The following MACROH2A1 variants were observed in gnomAD, a reference collection of about 807,000 sequenced individuals.
MACROH2A1 encodes the protein core histone macro-H2A.1.
MACROH2A1 carries 2 observed loss-of-function variants against 31.6 expected under a neutral mutation model. That is an observed-to-expected ratio of 0.06 (90% CI 0.03 to 0.20). The LOEUF is 0.20. Ranked by LOEUF, MACROH2A1 falls within the 10% of genes least tolerant of loss-of-function variation. MACROH2A1 has a pLI of 1.00. For synonymous variants in MACROH2A1, 169 were observed against 189.6 expected (o/e 0.89, Z 0.89); for missense variants, 230 against 474.0 (o/e 0.49, Z 4.78).
rs146055372 is a variant in MACROH2A1 at position 135,334,597 on chromosome 5, T to C, written c.*379A>G. 1 of 189,390 alleles carries C rather than the reference T, an allele frequency of 5.3e-6. No homozygotes were observed. Among genetic ancestry groups the C allele is most frequent in the Non-Finnish European group, 1.1e-5 (1 of 91,244 alleles). The allele number at this position is 189,390 out of a possible 1,614,324, so 11.7% of individuals were successfully genotyped here. Reference sequence around the variant, plus strand: ...GTAAAAAGAACGCCACTGGAGGATGTACAATAAAGCACCACAACACACGCT... The same window carrying C: ...GTAAAAAGAACGCCACTGGAGGATGCACAATAAAGCACCACAACACACGCT... On this transcript the variant is annotated 3_prime_UTR_variant, in exon 9 of 9. Coordinates refer to ENST00000511689, the MANE Select transcript of MACROH2A1 (RefSeq NM_138610.3).
intron 8 of MACROH2A1, among the ~76,000 whole-genome samples, chr5:135,341,082 T>G (rs541470789): frequency 7.9e-5 from 12 of 152,282 alleles, no homozygotes; most frequent in Non-Finnish European, 1.5e-4. Context: ...TGTGAAATTA[T>G]TACCTCCAAT....
intron 1 of MACROH2A1, among the ~76,000 whole-genome samples, chr5:135,392,934 T>C (rs748290572): frequency 6.6e-6 from 1 of 152,210 alleles, no homozygotes; most frequent in Admixed American, 6.5e-5. Flanking sequence ...AAGGGCCTGA[T>C]ACTCACTCAC....
At chr5:135,374,123 C>T (rs1289522439) in intron 2 of MACROH2A1, among the ~76,000 whole-genome samples, 1 of 152,124 alleles carries the variant, frequency 6.6e-6, no homozygotes, top group Non-Finnish European at 1.5e-5. Context: ...ACCCAGAATA[C>T]ACACTCATCC....
At chr5:135,384,184 A>T (rs1252557825) in intron 2 of MACROH2A1, among the ~76,000 whole-genome samples, 2 of 152,186 alleles carry the variant, frequency 1.3e-5, no homozygotes, top group Admixed American at 1.3e-4. Context: ...GTATCAGTGT[A>T]ACAGGATGTG....
intron 5 of MACROH2A1, chr5:135,358,731 A>C: frequency 2.1e-6 from 2 of 945,628 alleles, no homozygotes; most frequent in Non-Finnish European, 2.5e-6. Context: ...ATAGAGTATC[A>C]ATACTTTTCT....
chr5:135,372,653 C>T (rs1403072173), intron 2 of MACROH2A1, among the ~76,000 whole-genome samples: 5 of 152,200 alleles, frequency 3.3e-5, no homozygotes, highest in South Asian at 2.1e-4. Context: ...TGTTCATGGG[C>T]GGGAGAGCAC....
Position 135,391,791 on chromosome 5 carries a change from C to G in MACROH2A1, c.-33-2665G>C, listed in dbSNP as rs554902903. On this transcript the variant is annotated intron_variant, in intron 1 of 8. Transcript: ENST00000511689. ...AAGCATTAGCCAAGCTCTGCTGAAC[C>G]GCCTGCAGAACCTCTCAGGCCTCTT... is the stretch of plus-strand genomic sequence containing the variant. Among the ~76,000 whole-genome samples the G allele has an allele frequency of 5.3e-5, 8 of 152,312 alleles. No individual in the cohort carries two copies. The Middle Eastern group carries it at 0.01, about 194-fold the overall frequency.
chr5:135,348,641 T>C (rs1761147424), intron 6 of MACROH2A1, among the ~76,000 whole-genome samples: 1 of 152,224 alleles, frequency 6.6e-6, no homozygotes, highest in African/African-American at 2.4e-5. Context: ...ATTGAGGCCA[T>C]GTAGGAATCT....
chr5:135,345,304 G>C (rs929770689), intron 7 of MACROH2A1: 1 of 152,166 alleles, frequency 6.6e-6, no homozygotes, highest in South Asian at 2.1e-4. Context: ...ATTGGAATCG[G>C]GTAGTAAGAA....
At chr5:135,337,301 T>C (rs1282547500) in intron 8 of MACROH2A1, among the ~76,000 whole-genome samples, 3 of 152,242 alleles carry the variant, frequency 2.0e-5, no homozygotes, top group Non-Finnish European at 4.4e-5. Flanking sequence ...CAACAACGGT[T>C]AGCTACATCC....
intron 2 of MACROH2A1, 39 bp from the exon 3 acceptor site, chr5:135,370,181 G>A (rs1426786541): frequency 4.5e-6 from 6 of 1,342,850 alleles, no homozygotes; most frequent in Non-Finnish European, 6.3e-6. Context: ...CATGTTAGAG[G>A]ACCATGTGTC....
chr5:135,383,695 GGTGTGGTGTGTGTGT>G (rs1282014476), intron 2 of MACROH2A1, among the ~76,000 whole-genome samples: 26 of 146,172 alleles, frequency 1.8e-4, no homozygotes, highest in African/African-American at 5.9e-4. Flanking sequence ...TGTGTGATGT[GGTGTGGTGTGTGTGT>G]GTGTGTGTGT....
At chr5:135,344,316 C>T (rs957485172) in intron 7 of MACROH2A1, 25 of 152,230 alleles carry the variant, frequency 1.6e-4, no homozygotes, top group African/African-American at 6.0e-4. Context: ...AGAGTCTCCA[C>T]ACCACTGCTA....
At chr5:135,399,645 C>T (rs1231771382), upstream of MACROH2A1, 1 of 152,312 alleles carries the variant, frequency 6.6e-6, no homozygotes, top group African/African-American at 2.4e-5. This position sits in a 1 kb window ranked among gnomAD's most constrained non-coding sequence, Gnocchi z 4.5. Context: ...TCTTCCCTCC[C>T]CAGTCAATGC....
chr5:135,342,044 G>C (rs190368168), intron 8 of MACROH2A1, among the ~76,000 whole-genome samples: 3 of 152,232 alleles, frequency 2.0e-5, no homozygotes, highest in Non-Finnish European at 4.4e-5. Flanking sequence ...CCTCTTGGGC[G>C]CAAGTTGTTA....
chr5:135,398,970 T>C lies in MACROH2A1; in HGVS notation c.-34+92A>G, dbSNP rs1402693763. On this transcript the variant is annotated intron_variant, in intron 1 of 8. Coordinates refer to ENST00000511689, the MANE Select transcript of MACROH2A1 (RefSeq NM_138610.3). The surrounding 1 kb of genome is among the most constrained non-coding windows in gnomAD (Gnocchi z 4.6). ...CCGAGCCCGGCCCGCACCACACCGG[T>C]GCGCGCCAGGCCGGGCCGCTCCCGG... 2.1e-5 allele frequency: 3 copies of C among 144,952 alleles called. No homozygotes were observed. Among genetic ancestry groups the C allele is most frequent in the Non-Finnish European group, 3.0e-5 (2 of 66,254 alleles). 9.0% of individuals were successfully genotyped at this position (144,952 alleles called of 1,614,324 possible).
rs1165252762 is a variant in MACROH2A1, at chr5:135,399,136, T to A, written c.-108A>T. The stretch of plus-strand genomic sequence containing the variant: ...CCCTCCTGGCCGCTCGCGCCTTTTC[T>A]CTCCGCGCTCCTCGCTGGCCCGCCC... On this transcript the variant is annotated 5_prime_UTR_variant, in exon 1 of 9. Transcript: ENST00000511689. This position sits in a 1 kb window ranked among gnomAD's most constrained non-coding sequence, Gnocchi z 4.5. 3 of 149,756 alleles carry A rather than the reference T, an allele frequency of 2.0e-5. No homozygotes were observed. The highest frequency in any genetic ancestry group is 7.5e-5 in the African/African-American group (3 of 40,042). 9.3% of individuals were successfully genotyped at this position (149,756 alleles called of 1,614,324 possible). A position where few individuals can be genotyped will look rare whatever the true frequency, so the allele number is the denominator to read the frequency against.
At chr5:135,394,563 G>T (rs910738537) in intron 1 of MACROH2A1, among the ~76,000 whole-genome samples, 2 of 152,074 alleles carry the variant, frequency 1.3e-5, no homozygotes, top group Non-Finnish European at 2.9e-5. Context: ...TCTCCCTCAG[G>T]CTGCCCCTAT....
Position 135,334,933 on chromosome 5 carries a change from G to A in MACROH2A1, c.*43C>T. On this transcript the variant is annotated 3_prime_UTR_variant, in exon 9 of 9. Transcript: ENST00000511689. Reference sequence around the variant, plus strand: ...GGGGATTTTTTTTTTCTTTTAAACTGAAGGTGGGGTACATGGTGCAGCTGG... The same window carrying A: ...GGGGATTTTTTTTTTCTTTTAAACTAAAGGTGGGGTACATGGTGCAGCTGG... 1 of 1,539,946 alleles carries A rather than the reference G, an allele frequency of 6.5e-7. No homozygotes were observed. Among genetic ancestry groups the A allele is most frequent in the Non-Finnish European group, 8.9e-7 (1 of 1,127,108 alleles).
Sources: gnomAD v4.1 joint callset for allele counts (sites outside exome capture counted in the v4.1 genomes callset) on GRCh38, gnomAD v4.1.1 for gene constraint, Gnocchi (gnomAD v3.1) non-coding constraint, MANE v1.5 for transcripts, NCBI Gene and HGNC (gene_info 2026-07-23, HGNC 2026-07-21) for gene names.